The following RYR3 variants were observed in gnomAD, a reference collection of about 807,000 sequenced individuals.
The protein encoded by RYR3 is ryanodine receptor 3.
Under a neutral mutation model 584.3 loss-of-function variants are expected in RYR3, and 207 were observed. That is an observed-to-expected ratio of 0.35 (90% CI 0.32 to 0.40). The LOEUF (loss-of-function observed/expected upper bound fraction) is 0.40. Ranked by LOEUF, RYR3 falls within the 10% of genes least tolerant of loss-of-function variation. The pLI, the probability that RYR3 is intolerant of heterozygous loss-of-function variation, is 1.00. For synonymous variants in RYR3, 2,416 were observed against 2,248.5 expected (o/e 1.07, Z -2.11); for missense variants, 5,616 against 6,089.2 (o/e 0.92, Z 2.59).
intron 7 of RYR3, among the ~76,000 whole-genome samples, chr15:33,542,965 A>G (rs2055942394): frequency 6.6e-6 from 1 of 151,984 alleles, no homozygotes; most frequent in African/African-American, 2.4e-5. Flanking sequence ...TTTCCTTTCC[A>G]TCTCTGAACT....
At chr15:33,805,268 C>T (rs1024897548) in intron 69 of RYR3, among the ~76,000 whole-genome samples, 2 of 152,092 alleles carry the variant, frequency 1.3e-5, no homozygotes, top group Non-Finnish European at 2.9e-5. Flanking sequence ...AAAAAAGTGT[C>T]GTGATGCAGG....
chr15:33,784,181 C>G (rs561750434), intron 65 of RYR3, among the ~76,000 whole-genome samples: 1 of 152,216 alleles, frequency 6.6e-6, no homozygotes, highest in Admixed American at 6.5e-5. Flanking sequence ...CAGATTCATT[C>G]TCTCCAAGAT....
intron 28 of RYR3, among the ~76,000 whole-genome samples, chr15:33,645,713 C>A (rs185538762): frequency 6.6e-6 from 1 of 152,146 alleles, no homozygotes; most frequent in African/African-American, 2.4e-5. Flanking sequence ...TTGTATCCCC[C>A]CATTTCCCTC....
chr15:33,563,830 C>T (rs868551621), intron 11 of RYR3, among the ~76,000 whole-genome samples: 4 of 152,034 alleles, frequency 2.6e-5, no homozygotes, highest in African/African-American at 7.2e-5. Flanking sequence ...CTTAAGGCAA[C>T]ACAGACTAGG....
At chr15:33,580,535 G>T (rs2058536985) in intron 13 of RYR3, among the ~76,000 whole-genome samples, 1 of 152,208 alleles carries the variant, frequency 6.6e-6, no homozygotes, top group South Asian at 2.1e-4. Context: ...TGAGAAGCTG[G>T]TTTAAAAGAC....
chr15:33,634,244 G>T (rs976297954), intron 24 of RYR3, among the ~76,000 whole-genome samples: 3 of 152,016 alleles, frequency 2.0e-5, no homozygotes, highest in African/African-American at 4.8e-5. Context: ...TAGAGATGCG[G>T]TTTCACCATG....
chr15:33,448,654 T>C (rs967550204), intron 1 of RYR3, among the ~76,000 whole-genome samples: 1 of 152,250 alleles, frequency 6.6e-6, no homozygotes, highest in Non-Finnish European at 1.5e-5. Context: ...AGGTGAAGTT[T>C]ATCCAGAAAT....
intron 3 of RYR3, among the ~76,000 whole-genome samples, chr15:33,525,814 G>A (rs2054342101): frequency 6.6e-6 from 1 of 152,212 alleles, no homozygotes; most frequent in African/African-American, 2.4e-5. Context: ...CCCAGGCAAT[G>A]TAAAAGGGCT....
chr15:33,786,521 C>T (rs1208845999), intron 66 of RYR3, among the ~76,000 whole-genome samples: 2 of 151,580 alleles, frequency 1.3e-5, no homozygotes, highest in African/African-American at 4.9e-5. Flanking sequence ...GTTACTTGCA[C>T]ACAGCCAGCT....
chr15:33,655,740 C>T (rs997828624), intron 32 of RYR3, among the ~76,000 whole-genome samples: 2 of 152,362 alleles, frequency 1.3e-5, no homozygotes. Context: ...GAGAGGTTCA[C>T]ACCCAGCCAG....
intron 10 of RYR3, 80 bp from the exon 11 acceptor site, chr15:33,562,757 C>T (rs1256800876): frequency 1.9e-6 from 2 of 1,036,484 alleles, no homozygotes; most frequent in Admixed American, 4.5e-5. Context: ...ACAGGTTCTT[C>T]ATAGGTGATT....
At chr15:33,498,541 G>A (rs1186439732) in intron 2 of RYR3, among the ~76,000 whole-genome samples, 2 of 151,926 alleles carry the variant, frequency 1.3e-5, no homozygotes, top group Non-Finnish European at 2.9e-5. Context: ...GGGGTGGGGA[G>A]GGGGCTGTTT....
In RYR3 at chr15:33,836,967, T is replaced by C; in HGVS notation, c.11630T>C (p.Met3877Thr). 1 of 1,613,662 alleles carries C rather than the reference T, an allele frequency of 6.2e-7. No individual in the cohort carries two copies. The highest frequency in any genetic ancestry group is 2.2e-5 in the East Asian group (1 of 44,876). ...LLDLLQDMVV[M>T]LLSLLEGNVV... The stretch of plus-strand genomic sequence containing the variant: ...GATCTCCTTCAGGACATGGTGGTGA[T>C]GCTTCTGTCCCTCCTGGAAGGTTGG... Residue 3877 changes from methionine (M) to threonine (T), a missense_variant, in exon 88 of 104, where the codon ATG becomes ACG. By Grantham distance (81) the Met-to-Thr change is moderately conservative. Coordinates refer to ENST00000634891, the MANE Select transcript of RYR3 (RefSeq NM_001036.6).
chr15:33,479,971 T>C (rs1432206780), intron 2 of RYR3, among the ~76,000 whole-genome samples: 1 of 152,176 alleles, frequency 6.6e-6, no homozygotes, highest in Non-Finnish European at 1.5e-5. Context: ...TAAATGAGAA[T>C]ATCATGTATT....
chr15:33,705,199 T>C (rs1401943133), intron 42 of RYR3, among the ~76,000 whole-genome samples: 1 of 151,884 alleles, frequency 6.6e-6, no homozygotes, highest in Non-Finnish European at 1.5e-5. Context: ...TCTGCCCAAT[T>C]CTGGCCCTTA....
At chr15:33,821,052 C>T (rs8041321) in intron 78 of RYR3, among the ~76,000 whole-genome samples, 103,371 of 149,810 alleles carry the variant, frequency 0.69, 36,383 homozygotes, top group African/African-American at 0.81. Context: ...TCTATCAGTA[C>T]AAAAAATGGA....
chr15:33,792,333 T>A (rs945869291), intron 67 of RYR3, among the ~76,000 whole-genome samples: 1 of 152,150 alleles, frequency 6.6e-6, no homozygotes, highest in African/African-American at 2.4e-5. Context: ...AACCTGCTGC[T>A]CCCTTCTCTC....
intron 2 of RYR3, among the ~76,000 whole-genome samples, chr15:33,481,622 A>G (rs1174275843): frequency 6.6e-6 from 1 of 152,072 alleles, no homozygotes; most frequent in Non-Finnish European, 1.5e-5. Context: ...CTGGGATTAC[A>G]GGCACCTGCC....
intron 61 of RYR3, 38 bp from the exon 62 acceptor site, chr15:33,769,074 T>G (rs1596504681): frequency 6.7e-7 from 1 of 1,496,782 alleles, no homozygotes. Context: ...ACAGGCTGAG[T>G]GGTTTGAGGG....
Sources: allele counts gnomAD v4.1 joint callset (sites outside exome capture counted in the v4.1 genomes callset), GRCh38; gene constraint gnomAD v4.1.1; transcripts MANE v1.5; gene names NCBI Gene and HGNC (gene_info 2026-07-23, HGNC 2026-07-21).